FBN2: variants seen among roughly 807,000 people sequenced by gnomAD.
FBN2 encodes the protein fibrillin 2.
Under a neutral mutation model 355.6 loss-of-function variants are expected in FBN2, and 105 were observed. The observed-to-expected ratio is 0.30, with a 90% CI of 0.25 to 0.35. FBN2 has a LOEUF of 0.35. Among genes scored for constraint, FBN2 ranks in the 10% least tolerant of loss-of-function variants. The probability of loss-of-function intolerance (pLI) is 1.00; values close to 1 mark genes in which losing one functional copy is unlikely to be tolerated. For synonymous variants in FBN2, 1,350 were observed against 1,301.2 expected (o/e 1.04, Z -0.81); for missense variants, 3,280 against 3,758.7 (o/e 0.87, Z 3.33).
intron 11 of FBN2, among the ~76,000 whole-genome samples, chr5:128,390,590 C>T (rs1752485634): frequency 6.6e-6 from 1 of 152,190 alleles, no homozygotes; most frequent in East Asian, 1.9e-4. Context: ...TAAAATACTT[C>T]TGTGACAAAA....
chr5:128,516,694 T>C (rs1408171565), intron 5 of FBN2, among the ~76,000 whole-genome samples: 1 of 152,180 alleles, frequency 6.6e-6, no homozygotes, highest in Non-Finnish European at 1.5e-5. Flanking sequence ...AAAGAACATA[T>C]ATTTTGAAAT....
rs774331714 is a variant in FBN2 at position 128,277,949 on chromosome 5, T to A, written c.7402A>T (p.Thr2468Ser). Reference protein sequence around the residue: ...NLCTNGQCINTMGSFRCFCKV... With the variant: ...NLCTNGQCINSMGSFRCFCKV... ...CAGAAGCATCGGAATGAGCCCATGG[T>A]ATTGATGCACTGACCATTGGTGCAG... The change falls in exon 58 of 65, where the codon ACC becomes TCC. Residue 2468 changes from threonine (T) to serine (S), a missense_variant. By Grantham distance (58) the Thr-to-Ser change is moderately conservative. Coordinates refer to ENST00000262464, the MANE Select transcript of FBN2 (RefSeq NM_001999.4). The A allele has an allele frequency of 6.2e-7, 1 of 1,614,078 alleles. No homozygotes were observed.
intron 25 of FBN2, among the ~76,000 whole-genome samples, chr5:128,342,030 T>C (rs1751036743): frequency 6.6e-6 from 1 of 151,938 alleles, no homozygotes; most frequent in African/African-American, 2.4e-5. Context: ...CAAAGAAAGA[T>C]CAAAACAAAG....
In FBN2 at chr5:128,310,115, T is replaced by C. The variant is rs946913190; in HGVS notation, c.5075-7A>G. ...GCAAAACACTCATCAATATCTAGAGTAGGCAAGAATATCTATTAATTAATA... is the reference window on the plus strand; with the variant it reads ...GCAAAACACTCATCAATATCTAGAGCAGGCAAGAATATCTATTAATTAATA... On this transcript the variant is annotated splice_polypyrimidine_tract_variant and splice_region_variant and intron_variant, in intron 39 of 64. Transcript: ENST00000262464. 2 of 1,605,264 alleles carry C rather than the reference T, an allele frequency of 1.2e-6. No homozygotes were observed. The highest frequency in any genetic ancestry group is 8.5e-7 in the Non-Finnish European group (1 of 1,172,528).
chr5:128,291,243 CAAAA>C (rs2126821711), intron 49 of FBN2, among the ~76,000 whole-genome samples: 1 of 151,922 alleles, frequency 6.6e-6, no homozygotes, highest in Non-Finnish European at 1.5e-5. Context: ...CACCAACAAA[CAAAA>C]AAGCTATGAC....
In FBN2 at chr5:128,531,155, T is replaced by C. The variant is rs142413073; in HGVS notation, c.338-462A>G. ...GGATAAAGAAACTGTTATATATATATGGTGATATATATATATAACTGTGAT... is the reference window on the plus strand; with the variant it reads ...GGATAAAGAAACTGTTATATATATACGGTGATATATATATATAACTGTGAT... On this transcript the variant is annotated intron_variant, in intron 2 of 64. Coordinates refer to ENST00000262464, the MANE Select transcript of FBN2 (RefSeq NM_001999.4). 3.0e-3 allele frequency among the ~76,000 whole-genome samples: 452 copies of C among 152,144 alleles called. 2 individuals are homozygous for C. The highest frequency in any genetic ancestry group is 0.01 in the African/African-American group (433 of 41,516).
intron 5 of FBN2, among the ~76,000 whole-genome samples, chr5:128,470,297 G>C (rs1243444582): frequency 1.3e-5 from 2 of 152,200 alleles, no homozygotes; most frequent in African/African-American, 4.8e-5. Flanking sequence ...CTTAGCAAGA[G>C]ATCTTCTGGT....
At chr5:128,338,803 C>G (rs1029342818) in intron 26 of FBN2, 130 bp downstream of exon 26, 5 of 1,091,868 alleles carry the variant, frequency 4.6e-6, no homozygotes, top group Non-Finnish European at 5.5e-6. Context: ...ATTTAAATCT[C>G]TTCTCTCTCT....
intron 7 of FBN2, among the ~76,000 whole-genome samples, chr5:128,435,982 T>C (rs533293107): frequency 1.3e-5 from 2 of 152,336 alleles, no homozygotes; most frequent in East Asian, 1.9e-4. Flanking sequence ...TGCATGCAAC[T>C]TTCCATGTAA....
chr5:128,486,139 G>T (rs1755331870), intron 5 of FBN2, among the ~76,000 whole-genome samples: 1 of 151,096 alleles, frequency 6.6e-6, no homozygotes. Flanking sequence ...TTTTTACCCT[G>T]CAATTTTTAC....
At chr5:128,521,925 A>C (rs1385509022) in intron 4 of FBN2, among the ~76,000 whole-genome samples, 3 of 152,244 alleles carry the variant, frequency 2.0e-5, no homozygotes, top group African/African-American at 7.2e-5. Flanking sequence ...CTCCCTTCTC[A>C]CTAAAGATTT....
intron 5 of FBN2, among the ~76,000 whole-genome samples, chr5:128,475,855 T>C (rs1306326807): frequency 6.6e-6 from 1 of 152,178 alleles, no homozygotes; most frequent in Non-Finnish European, 1.5e-5. Context: ...AGGCTACACT[T>C]CTGAGAAAGG....
chr5:128,360,137 A>T (rs1442833262), intron 19 of FBN2, among the ~76,000 whole-genome samples: 1 of 152,104 alleles, frequency 6.6e-6, no homozygotes, highest in Non-Finnish European at 1.5e-5. Context: ...AAAAAAGACT[A>T]CGGGAAGGAA....
intron 21 of FBN2, 23 bp downstream of exon 21, chr5:128,350,845 G>C: frequency 1.2e-6 from 2 of 1,613,766 alleles, no homozygotes; most frequent in South Asian, 2.2e-5. Context: ...GAGAAGCCCA[G>C]AAGCTCCCAA....
At chr5:128,380,567 C>T (rs914065548) in intron 11 of FBN2, among the ~76,000 whole-genome samples, 1 of 152,060 alleles carries the variant, frequency 6.6e-6, no homozygotes, top group African/African-American at 2.4e-5. Flanking sequence ...CTGAGCCCCT[C>T]AGGGACTCAT....
intron 18 of FBN2, among the ~76,000 whole-genome samples, chr5:128,362,098 C>T (rs528171283): frequency 6.6e-5 from 10 of 152,270 alleles, no homozygotes; most frequent in Non-Finnish European, 1.5e-4. Flanking sequence ...TGGAAAGGCA[C>T]ATCTCTACTT....
In FBN2 at chr5:128,537,654, A is replaced by G. The variant is rs1328071830; in HGVS notation, c.-51T>C. On this transcript the variant is annotated 5_prime_UTR_variant, in exon 1 of 65. Coordinates refer to ENST00000262464, the MANE Select transcript of FBN2 (RefSeq NM_001999.4). Reference sequence around the variant, plus strand: ...TAGACCCGCGGAGAGGGAGTGATCAAAGACAAAATCTGCGCGCCTCAGAAA... The same window carrying G: ...TAGACCCGCGGAGAGGGAGTGATCAGAGACAAAATCTGCGCGCCTCAGAAA... The G allele has an allele frequency of 6.4e-7, 1 of 1,569,166 alleles. No individual in the cohort carries two copies. The highest frequency in any genetic ancestry group is 8.7e-7 in the Non-Finnish European group (1 of 1,151,014).
chr5:128,499,453 T>C (rs180792957), intron 5 of FBN2, among the ~76,000 whole-genome samples: 2 of 152,306 alleles, frequency 1.3e-5, no homozygotes, highest in East Asian at 3.9e-4. Flanking sequence ...TGTTTGGCCA[T>C]GGGTCCTATG....
intron 48 of FBN2, among the ~76,000 whole-genome samples, chr5:128,295,156 C>T (rs1292896976): frequency 3.4e-5 from 5 of 146,686 alleles, no homozygotes; most frequent in African/African-American, 7.5e-5. Flanking sequence ...AGATATGCGG[C>T]GTTATTTCTG....
Sources: gnomAD v4.1 joint callset for allele counts (sites outside exome capture counted in the v4.1 genomes callset) on GRCh38, gnomAD v4.1.1 for gene constraint, MANE v1.5 for transcripts, NCBI Gene and HGNC (gene_info 2026-07-23, HGNC 2026-07-21) for gene names.